BBIP1: variants seen among roughly 807,000 people sequenced by gnomAD.
BBIP1 encodes the protein BBSome interacting protein 1.
A neutral mutation model predicts 8.9 loss-of-function variants in BBIP1; 6 were observed. The observed-to-expected ratio is 0.67, with a 90% CI of 0.37 to 1.33. BBIP1 has a LOEUF of 1.33. BBIP1 is among the 40% of genes most tolerant of loss of function. The probability of loss-of-function intolerance (pLI) is 0.02; values close to 1 mark genes in which losing one functional copy is unlikely to be tolerated. For synonymous variants in BBIP1, 32 were observed against 33.4 expected (o/e 0.96, Z 0.14); for missense variants, 111 against 109.2 (o/e 1.02, Z -0.07).
intron 2 of BBIP1, among the ~76,000 whole-genome samples, chr10:110,909,715 T>C (rs1198050340): frequency 1.3e-5 from 2 of 152,252 alleles, no homozygotes; most frequent in African/African-American, 4.8e-5. Flanking sequence ...AAATTAATGC[T>C]GTACCTTGTA....
chr10:110,908,001 T>C, intron 2 of BBIP1: 1 of 499,116 alleles, frequency 2.0e-6, no homozygotes, highest in South Asian at 2.9e-5. Context: ...GGGACCAGTA[T>C]TGCCTAGAAC....
At chr10:110,918,288 G>A (rs1158970284) in intron 1 of BBIP1, 75 bp from the exon 2 acceptor site, 6 of 755,298 alleles carry the variant, frequency 7.9e-6, no homozygotes, top group Non-Finnish European at 1.3e-5. Flanking sequence ...TCTTCAACAC[G>A]TTGTTTAAGA....
chr10:110,900,594 G>A, intron 3 of BBIP1, 68 bp from the exon 4 acceptor site: 1 of 1,305,822 alleles, frequency 7.7e-7, no homozygotes, highest in Non-Finnish European at 1.0e-6. Context: ...TGGATTTGCA[G>A]CTAGAATGAA....
At chr10:110,907,515 G>GAAAAAAA (rs34559519) in intron 2 of BBIP1, 2 of 361,004 alleles carry the variant, frequency 5.5e-6, no homozygotes, top group Non-Finnish European at 9.4e-6. Context: ...CTTGTCTCAA[G>GAAAAAAA]AAAAAAAAAA....
chr10:110,910,879 A>C (rs1157104995), intron 2 of BBIP1: 1 of 152,228 alleles, frequency 6.6e-6, no homozygotes, highest in Non-Finnish European at 1.5e-5. Flanking sequence ...ACAGTAGTAC[A>C]AGCTACGGAG....
At chr10:110,919,356 G>A, upstream of BBIP1, 1 of 379,198 alleles carries the variant, frequency 2.6e-6, no homozygotes, top group Non-Finnish European at 4.7e-6. Flanking sequence ...GGGAGACGGC[G>A]TAGAGGAACT....
chr10:110,918,059 C>A, intron 2 of BBIP1, 62 bp downstream of exon 2: 2 of 1,408,446 alleles, frequency 1.4e-6, no homozygotes, highest in African/African-American at 1.4e-5. Context: ...GAAATTAAGT[C>A]GAGAAGGTAG....
At position 110,901,559 on chromosome 10, in the gene BBIP1, G is replaced by A. The variant is rs1187189064; in HGVS notation, c.91C>T (p.Arg31Trp). Residue 31 changes from arginine (R) to tryptophan (W), a missense_variant, in exon 3 of 4, where the codon CGG (arginine) becomes TGG (tryptophan). Physicochemically the swap from Arg to Trp is moderately radical, Grantham distance 101. Coordinates refer to ENST00000448814, the MANE Select transcript of BBIP1 (RefSeq NM_001195305.3). ...ATACCTTGCTTTGGAAGAACTTCCC[G>A]GAACATTGACTTCACTTCTGCCATA... is the stretch of plus-strand genomic sequence containing the variant. Reference protein sequence around the residue: ...SDMAEVKSMFREVLPKQGPLF... With the variant: ...SDMAEVKSMFWEVLPKQGPLF... 35 of 1,535,164 alleles carry A rather than the reference G, an allele frequency of 2.3e-5. No homozygotes were observed. The highest frequency in any genetic ancestry group is 3.6e-5 in the South Asian group (3 of 84,054).
intron 2 of BBIP1, chr10:110,904,730 A>G (rs1281332432): frequency 6.6e-6 from 1 of 152,260 alleles, no homozygotes; most frequent in Non-Finnish European, 1.5e-5. Context: ...TGTGTTGAAT[A>G]GCAAAATGTT....
intron 2 of BBIP1, among the ~76,000 whole-genome samples, chr10:110,917,194 A>ATTTTTTTTTTTTTTTTT (rs67066048): frequency 9.3e-6 from 1 of 107,972 alleles, no homozygotes; most frequent in Non-Finnish European, 1.8e-5. Context: ...CTGGATCCTG[A>ATTTTTTTTTTTTTTTTT]TTTTTTTTTT....
chr10:110,912,010 G>A (rs953392627), intron 2 of BBIP1: 7 of 152,120 alleles, frequency 4.6e-5, no homozygotes, highest in South Asian at 2.1e-4. Context: ...TAAAATATGA[G>A]GCAAACAGTA....
chr10:110,915,223 CAT>C (rs1846373661), intron 2 of BBIP1, among the ~76,000 whole-genome samples: 1 of 152,148 alleles, frequency 6.6e-6, no homozygotes. Context: ...GTCGTGCGAT[CAT>C]GGCTCACCAC....
chr10:110,914,697 T>TTTTC (rs1485864879), intron 2 of BBIP1, among the ~76,000 whole-genome samples: 2 of 152,214 alleles, frequency 1.3e-5, no homozygotes, highest in Non-Finnish European at 2.9e-5. Context: ...GTGTTCAATT[T>TTTTC]AGCTAATTAA....
At chr10:110,917,557 GA>G (rs1251706030) in intron 2 of BBIP1, among the ~76,000 whole-genome samples, 10 of 152,128 alleles carry the variant, frequency 6.6e-5, no homozygotes, top group South Asian at 4.1e-4. Flanking sequence ...AAACACTGGG[GA>G]AAAAAATCAT....
At chr10:110,901,652 A>C in intron 2 of BBIP1, 40 bp from the exon 3 acceptor site, 1 of 1,399,324 alleles carries the variant, frequency 7.1e-7, no homozygotes, top group South Asian at 1.2e-5. Flanking sequence ...ATACATTCCC[A>C]AAGCAGACTG....
chr10:110,905,567 C>A (rs570530291), intron 2 of BBIP1, among the ~76,000 whole-genome samples: 102 of 149,644 alleles, frequency 6.8e-4, no homozygotes, highest in Non-Finnish European at 9.4e-4. Context: ...GTCCTCCCCC[C>A]ACCCCTCCAA....
At chr10:110,900,641 T>G in intron 3 of BBIP1, 115 bp from the exon 4 acceptor site, 1 of 862,182 alleles carries the variant, frequency 1.2e-6, no homozygotes, top group South Asian at 2.0e-5. Context: ...TGAAAAACTC[T>G]TGTACCTAAA....
intron 2 of BBIP1, among the ~76,000 whole-genome samples, chr10:110,905,764 A>C (rs1677306370): frequency 6.6e-6 from 1 of 152,146 alleles, no homozygotes. Context: ...CTGATGTTTA[A>C]ATTTCTTATC....
At chr10:110,908,027 A>G (rs546755951) in intron 2 of BBIP1, 310 of 392,272 alleles carry the variant, frequency 7.9e-4, no homozygotes, top group Non-Finnish European at 1.1e-3. Context: ...TTGTATTCCT[A>G]GGGCAATGTC....
Sources: allele counts gnomAD v4.1 joint callset (sites outside exome capture counted in the v4.1 genomes callset), GRCh38; gene constraint gnomAD v4.1.1; transcripts MANE v1.5; gene names NCBI Gene and HGNC (gene_info 2026-07-23, HGNC 2026-07-21).